The following LRP2BP variants were observed in gnomAD, a reference collection of about 807,000 sequenced individuals.
The protein encoded by LRP2BP is LRP2-binding protein.
A neutral mutation model predicts 45.2 loss-of-function variants in LRP2BP; 38 were observed. The ratio of observed to expected loss-of-function variants is 0.84; its 90% CI spans 0.65 to 1.10. The LOEUF is 1.10. Among genes scored for constraint, LRP2BP ranks in the 50% least tolerant of loss-of-function variants. LRP2BP has a pLI of 0.00. For missense variants in LRP2BP, 385 were observed against 418.9 expected (o/e 0.92, Z 0.71); for synonymous variants, 153 against 153.9 (o/e 0.99, Z 0.04).
intron 8 of LRP2BP, among the ~76,000 whole-genome samples, chr4:185,368,947 C>T (rs2095403772): frequency 1.3e-5 from 2 of 151,818 alleles, no homozygotes; most frequent in Admixed American, 1.3e-4. Context: ...ACATGCGTTA[C>T]CATGATGGGC....
intron 8 of LRP2BP, chr4:185,369,962 C>T (rs2095409553): frequency 3.8e-6 from 1 of 266,080 alleles, no homozygotes; most frequent in Admixed American, 5.2e-5. Flanking sequence ...CACTGCTCTA[C>T]CAAGTCTGCT....
chr4:185,373,562 G>GTGAATT (rs2095423288), intron 6 of LRP2BP, among the ~76,000 whole-genome samples: 1 of 152,222 alleles, frequency 6.6e-6, no homozygotes, highest in Admixed American at 6.5e-5. Flanking sequence ...CTCTGCTACA[G>GTGAATT]TGAATTTGAA....
At chr4:185,375,559 C>A in intron 4 of LRP2BP, 54 bp downstream of exon 4, 1 of 581,420 alleles carries the variant, frequency 1.7e-6, no homozygotes, top group Non-Finnish European at 2.6e-6. Context: ...TAATTGTGTC[C>A]AATAATCCAC....
chr4:185,378,929 G>A, intron 1 of LRP2BP: 1 of 985,356 alleles, frequency 1.0e-6, no homozygotes, highest in Non-Finnish European at 1.2e-6. Flanking sequence ...CCTGATTGGT[G>A]GTCAAGAGAA....
intron 8 of LRP2BP, 103 bp downstream of exon 8, chr4:185,370,537 G>T: frequency 8.4e-7 from 1 of 1,192,552 alleles, no homozygotes; most frequent in Non-Finnish European, 1.2e-6. Context: ...TATCTGCACA[G>T]TAATTGAGTA....
At chr4:185,378,655 CTTTAT>C (rs1172540303) in intron 1 of LRP2BP, 1 of 987,234 alleles carries the variant, frequency 1.0e-6, no homozygotes, top group Non-Finnish European at 1.2e-6. Context: ...TGGGAATACA[CTTTAT>C]TTTAGCTGTT....
At position 185,370,744 on chromosome 4, in the gene LRP2BP, T is replaced by C. The variant is rs2095411941; in HGVS notation, c.874A>G (p.Ile292Val). ...GATGCCATTGCCATGCCTCTGCCGATGAACTCCGGGAGACAGTCTGTGACC... is the reference window on the plus strand; with the variant it reads ...GATGCCATTGCCATGCCTCTGCCGACGAACTCCGGGAGACAGTCTGTGACC... ...AQVTDCLPEF[I>V]GRGMAMASFY... Residue 292 changes from isoleucine to valine, a missense_variant, in exon 8 of 9, where the codon ATC (isoleucine) becomes GTC (valine). Coordinates refer to ENST00000505916, the MANE Select transcript of LRP2BP (RefSeq NM_001377440.1). 1.2e-6 allele frequency: 2 copies of C among 1,614,020 alleles called. No homozygotes were observed. Among genetic ancestry groups the C allele is most frequent in the Non-Finnish European group, 1.7e-6 (2 of 1,180,034 alleles).
intron 3 of LRP2BP, 62 bp from the exon 4 acceptor site, chr4:185,375,788 A>C: frequency 9.2e-7 from 1 of 1,090,614 alleles, no homozygotes; most frequent in East Asian, 2.8e-5. Flanking sequence ...TCCCAAAGGC[A>C]CCAAGTGGTC....
chr4:185,387,370 T>A (rs1024215028), intron 1 of LRP2BP, among the ~76,000 whole-genome samples: 3 of 152,180 alleles, frequency 2.0e-5, no homozygotes, highest in African/African-American at 7.2e-5. Context: ...AATGTACAAA[T>A]AACATATAAC....
chr4:185,377,958 A>G, intron 2 of LRP2BP, 123 bp downstream of exon 2: 1 of 779,748 alleles, frequency 1.3e-6, no homozygotes, highest in Non-Finnish European at 2.0e-6. Flanking sequence ...ACTCAAAAGG[A>G]CTAATGATTA....
At chr4:185,381,900 A>G (rs941780490) in intron 1 of LRP2BP, among the ~76,000 whole-genome samples, 2 of 152,148 alleles carry the variant, frequency 1.3e-5, no homozygotes, top group African/African-American at 4.8e-5. Flanking sequence ...CATAAAATTC[A>G]CCCTTTTAAA....
At position 185,365,688 on chromosome 4, in the gene LRP2BP, A is replaced by AT. The variant is rs199710382; in HGVS notation, c.*1491_*1492insA. Reference sequence around the variant, plus strand: ...TCAGGAGACTCCGTCTCAAAAAAAAAAAAATAATAATAATAATAATAATAA... The same window carrying AT: ...TCAGGAGACTCCGTCTCAAAAAAAAATAAAATAATAATAATAATAATAATAA... On this transcript the variant is annotated 3_prime_UTR_variant, in exon 9 of 9. Coordinates refer to ENST00000505916, the MANE Select transcript of LRP2BP (RefSeq NM_001377440.1). 14 of 145,480 alleles carry AT rather than the reference A, an allele frequency of 9.6e-5. No homozygotes were observed. Among genetic ancestry groups the AT allele is most frequent in the African/African-American group, 3.6e-4 (14 of 38,618 alleles). 9.0% of individuals were successfully genotyped at this position (145,480 alleles called of 1,614,324 possible). A position where few individuals can be genotyped will look rare whatever the true frequency, so the allele number is the denominator to read the frequency against.
At position 185,378,895 on chromosome 4, in the gene LRP2BP, A is replaced by G. The variant is rs1579995034; in HGVS notation, c.-21-688T>C. The G allele has an allele frequency of 1.1e-5, 11 of 985,454 alleles. No homozygotes were observed. The South Asian group carries it at 5.2e-4, about 46-fold the overall frequency. The allele number at this position is 985,454 out of a possible 1,614,324, so 61.0% of individuals were successfully genotyped here. A position where few individuals can be genotyped will look rare whatever the true frequency, so the allele number is the denominator to read the frequency against. ...CTGTTATGGCTTACTTTCACCAATC[A>G]GAAACAAGCTTCCAGCAAAGGTTCC... On this transcript the variant is annotated intron_variant, in intron 1 of 8. Transcript: ENST00000505916.
At chr4:185,394,121 G>A (rs1200682479) in intron 1 of LRP2BP, among the ~76,000 whole-genome samples, 1 of 152,126 alleles carries the variant, frequency 6.6e-6, no homozygotes, top group Admixed American at 6.5e-5. Flanking sequence ...AGCTGGGTGT[G>A]GTGGCGTATA....
chr4:185,393,756 C>A (rs2095494532), intron 1 of LRP2BP, among the ~76,000 whole-genome samples: 1 of 151,956 alleles, frequency 6.6e-6, no homozygotes, highest in African/African-American at 2.4e-5. Context: ...AAACTGCTGA[C>A]CTCAGGCGAT....
At chr4:185,377,843 A>G in intron 2 of LRP2BP, 2 of 397,092 alleles carry the variant, frequency 5.0e-6, no homozygotes, top group Non-Finnish European at 8.9e-6. Flanking sequence ...TTCTAGAAGC[A>G]TGTCCTTAAG....
In LRP2BP at chr4:185,372,970, G is replaced by T. The variant is rs759875522; in HGVS notation, c.689C>A (p.Ala230Asp). ...GQGIRQDTEA[A>D]LQCLREAAER... ...TGCTGCTTCTCTTAAGCACTGCAGG[G>T]CAGCTTCCGTATCCTGCCGGATGCC... The change falls in exon 7 of 9, where the codon GCC (alanine) becomes GAC (aspartate). Residue 230 changes from alanine (A) to aspartate (D), a missense_variant. Transcript: ENST00000505916. 1 of 1,614,002 alleles carries T rather than the reference G, an allele frequency of 6.2e-7. No individual in the cohort carries two copies. Among genetic ancestry groups the T allele is most frequent in the Non-Finnish European group, 8.5e-7 (1 of 1,179,872 alleles).
intron 1 of LRP2BP, among the ~76,000 whole-genome samples, chr4:185,385,916 G>GA (rs1554020239): frequency 1.4e-5 from 2 of 138,000 alleles, no homozygotes; most frequent in African/African-American, 5.5e-5. Flanking sequence ...GGGGGGGGGG[G>GA]AGATAAAGAA....
intron 1 of LRP2BP, among the ~76,000 whole-genome samples, chr4:185,393,770 C>A (rs930293515): frequency 6.6e-6 from 1 of 152,144 alleles, no homozygotes; most frequent in Admixed American, 6.5e-5. Context: ...AGGCGATCGG[C>A]CTGCCTCAGC....
Sources: gnomAD v4.1 joint callset for allele counts (sites outside exome capture counted in the v4.1 genomes callset) on GRCh38, gnomAD v4.1.1 for gene constraint, MANE v1.5 for transcripts, NCBI Gene and HGNC (gene_info 2026-07-23, HGNC 2026-07-21) for gene names.